DLC1: variants seen among roughly 807,000 people sequenced by gnomAD.
DLC1 encodes rho GTPase-activating protein 7.
Under a neutral mutation model 140.3 loss-of-function variants are expected in DLC1, and 54 were observed. That is an observed-to-expected ratio of 0.38 (90% CI 0.31 to 0.48). The LOEUF (loss-of-function observed/expected upper bound fraction) is 0.48, where lower values mean the gene tolerates loss of function less well. DLC1 is among the 20% of genes least tolerant of loss of function. The pLI is 0.96. For missense variants in DLC1, 2,536 were observed against 1,907.0 expected (o/e 1.33, Z -6.14); for synonymous variants, 986 against 728.1 (o/e 1.35, Z -5.70).
At chr8:13,380,291 A>T (rs1836193617) in intron 4 of DLC1, among the ~76,000 whole-genome samples, 1 of 152,232 alleles carries the variant, frequency 6.6e-6, no homozygotes, top group Admixed American at 6.5e-5. Flanking sequence ...TTTAAAGCAG[A>T]GTCATCATCA....
chr8:13,331,048 C>T (rs2116943701), intron 4 of DLC1, among the ~76,000 whole-genome samples: 1 of 152,292 alleles, frequency 6.6e-6, no homozygotes, highest in Non-Finnish European at 1.5e-5. Context: ...GAGAAAAGCT[C>T]ACTACCTTCT....
chr8:13,481,420 T>G lies in DLC1; in HGVS notation c.1023+17629A>C, dbSNP rs1800730163. Among the ~76,000 whole-genome samples, 3 of 152,038 alleles carry G rather than the reference T, an allele frequency of 2.0e-5. No individual in the cohort carries two copies. The South Asian group carries it at 6.2e-4, about 32-fold the overall frequency. On this transcript the variant is annotated intron_variant, in intron 2 of 17. Coordinates refer to ENST00000276297, the MANE Select transcript of DLC1 (RefSeq NM_182643.3). ...CAGCTTGGGTGATGGGAGTGAGACC[T>G]TGTCTCAAAAAGTAAATAAATAAAT...
intron 5 of DLC1, among the ~76,000 whole-genome samples, chr8:13,119,104 C>T (rs371968208): frequency 2.6e-5 from 4 of 151,898 alleles, no homozygotes; most frequent in African/African-American, 7.3e-5. Flanking sequence ...TGGCACATGC[C>T]TGTTGTCTCA....
At position 13,097,831 on chromosome 8, in the gene DLC1, C is replaced by A. The variant is rs371912253; in HGVS notation, c.3167+568G>T. On this transcript the variant is annotated intron_variant, in intron 10 of 17. Coordinates refer to ENST00000276297, the MANE Select transcript of DLC1 (RefSeq NM_182643.3). ...AAGAGCTGAAAACTCAATCAACCCA[C>A]CCACGCTGATAATTTCCTAAGACTC... is the stretch of plus-strand genomic sequence containing the variant. Among the ~76,000 whole-genome samples the A allele has an allele frequency of 1.9e-4, 29 of 152,118 alleles. No individual in the cohort carries two copies. The East Asian group carries it at 2.7e-3, about 14-fold the overall frequency.
At chr8:13,539,031 A>G (rs1009894939) in intron 1 of DLC1, among the ~76,000 whole-genome samples, 3 of 152,210 alleles carry the variant, frequency 2.0e-5, no homozygotes, top group African/African-American at 7.2e-5. Context: ...TGATCTTCAT[A>G]GATAAGACTG....
intron 4 of DLC1, among the ~76,000 whole-genome samples, chr8:13,321,724 C>T (rs1419722200): frequency 6.6e-6 from 1 of 151,948 alleles, no homozygotes; most frequent in Non-Finnish European, 1.5e-5. Flanking sequence ...CTAAGGAAAA[C>T]TGGTTTTCTC....
chr8:13,199,574 A>G (rs1003275112), intron 5 of DLC1, among the ~76,000 whole-genome samples: 2 of 152,070 alleles, frequency 1.3e-5, no homozygotes, highest in African/African-American at 2.4e-5. Context: ...CCTTCTGTCT[A>G]TTGTATTTTT....
intron 2 of DLC1, among the ~76,000 whole-genome samples, chr8:13,485,702 T>G (rs909319930): frequency 2.0e-5 from 3 of 152,220 alleles, no homozygotes; most frequent in Admixed American, 2.0e-4. Flanking sequence ...ACAACTATTG[T>G]TCACTTATTC....
chr8:13,099,805 G>C lies in DLC1; in HGVS notation c.2532C>G (p.His844Gln), dbSNP rs371738249. 2 of 1,614,186 alleles carry C rather than the reference G, an allele frequency of 1.2e-6. No individual in the cohort carries two copies. Among genetic ancestry groups the C allele is most frequent in the Non-Finnish European group, 1.7e-6 (2 of 1,180,040 alleles). ...TCCTGAGGCTGATGTGGCCAGGGCCGTGGAAGCTTCCCGTCCTCCAGTTCA... is the reference window on the plus strand; with the variant it reads ...TCCTGAGGCTGATGTGGCCAGGGCCCTGGAAGCTTCCCGTCCTCCAGTTCA... ...GSVNWRTGSF[H>Q]GPGHISLRRE... Residue 844 changes from histidine (H) to glutamine (Q), a missense_variant, in exon 9 of 18, where the codon CAC becomes CAG. Coordinates refer to ENST00000276297, the MANE Select transcript of DLC1 (RefSeq NM_182643.3).
intron 1 of DLC1, among the ~76,000 whole-genome samples, chr8:13,551,049 C>CAT (rs1450480440): frequency 7.3e-4 from 10 of 13,656 alleles, no homozygotes; most frequent in Non-Finnish European, 6.1e-3. Flanking sequence ...TTTCTTTAAA[C>CAT]ACACACACAC....
At chr8:13,383,236 G>C (rs555702888) in intron 4 of DLC1, among the ~76,000 whole-genome samples, 15 of 152,280 alleles carry the variant, frequency 9.9e-5, no homozygotes, top group African/African-American at 3.6e-4. Context: ...TATGTGCCCT[G>C]TTGTTTTTCA....
chr8:13,537,084 T>C (rs1007809545), intron 1 of DLC1, among the ~76,000 whole-genome samples: 1 of 151,992 alleles, frequency 6.6e-6, no homozygotes, highest in Non-Finnish European at 1.5e-5. Flanking sequence ...TCTTTGTCTT[T>C]AAGCACATTA....
At chr8:13,355,599 A>G (rs534462511) in intron 4 of DLC1, among the ~76,000 whole-genome samples, 1 of 152,280 alleles carries the variant, frequency 6.6e-6, no homozygotes, top group East Asian at 1.9e-4. Context: ...AGCTCATTTA[A>G]TATGAATTAC....
intron 1 of DLC1, among the ~76,000 whole-genome samples, chr8:13,570,191 T>C (rs1224516622): frequency 1.3e-5 from 2 of 152,212 alleles, no homozygotes; most frequent in African/African-American, 4.8e-5. Context: ...TCTATTCTCA[T>C]GTAATCCCTC....
intron 5 of DLC1, among the ~76,000 whole-genome samples, chr8:13,154,900 C>G (rs1824132328): frequency 6.6e-6 from 1 of 151,870 alleles, no homozygotes; most frequent in African/African-American, 2.4e-5. Flanking sequence ...CCTATTATAG[C>G]AATCACTGTT....
chr8:13,217,043 A>G (rs1828237736), intron 5 of DLC1, among the ~76,000 whole-genome samples: 1 of 152,050 alleles, frequency 6.6e-6, no homozygotes, highest in African/African-American at 2.4e-5. Context: ...TCTAAGCCCC[A>G]CTTCCTAGTT....
In DLC1 at chr8:13,305,285, T is replaced by G; in HGVS notation, c.1332A>C (p.Ser444=). 6.2e-7 allele frequency: 1 copy of G among 1,607,754 alleles called. No individual in the cohort carries two copies. The highest frequency in any genetic ancestry group is 1.1e-5 in the South Asian group (1 of 89,178). The change falls in exon 5 of 18, where the codon TCA becomes TCC. Residue 444 remains serine (S), a synonymous_variant. Transcript: ENST00000276297. Reference sequence around the variant, plus strand: ...TCAACTTACCAGCCTTTTCCTTCTCTGAAATACCTTGAATAGCCTGAAAAA... The same window carrying G: ...TCAACTTACCAGCCTTTTCCTTCTCGGAAATACCTTGAATAGCCTGAAAAA... The part of the protein sequence containing the change: ...KPKTTAIQGI[S]EKEKAEIEAK...
chr8:13,266,576 C>T (rs1043920650), intron 5 of DLC1, among the ~76,000 whole-genome samples: 3 of 151,988 alleles, frequency 2.0e-5, no homozygotes, highest in African/African-American at 4.8e-5. Flanking sequence ...GAAACCCCAT[C>T]TCTACTAAAA....
intron 2 of DLC1, among the ~76,000 whole-genome samples, chr8:13,498,045 A>G (rs1264315603): frequency 6.6e-6 from 1 of 152,182 alleles, no homozygotes; most frequent in Non-Finnish European, 1.5e-5. Context: ...CCCCAGTTGA[A>G]CAGAACAAAG....
Sources: allele counts gnomAD v4.1 joint callset (sites outside exome capture counted in the v4.1 genomes callset), GRCh38; gene constraint gnomAD v4.1.1; transcripts MANE v1.5; gene names NCBI Gene and HGNC (gene_info 2026-07-23, HGNC 2026-07-21).